RELL1: variants seen among roughly 807,000 people sequenced by gnomAD.
RELL1 encodes RELT-like protein 1.
Under a neutral mutation model 23.0 loss-of-function variants are expected in RELL1, and 10 were observed. The ratio of observed to expected loss-of-function variants is 0.43; its 90% CI spans 0.27 to 0.74. The LOEUF (loss-of-function observed/expected upper bound fraction) is 0.74, where lower values mean the gene tolerates loss of function less well. Ranked by LOEUF, RELL1 falls within the 30% of genes least tolerant of loss-of-function variation. The probability of loss-of-function intolerance (pLI) is 0.19; values close to 1 mark genes in which losing one functional copy is unlikely to be tolerated. For missense variants in RELL1, 315 were observed against 364.4 expected, an observed-to-expected ratio of 0.86 and a Z score of 1.10; for synonymous variants, 146 against 146.8, an observed-to-expected ratio of 0.99 and a Z score of 0.04.
chr4:37,681,035 C>T (rs1722202897), intron 1 of RELL1, among the ~76,000 whole-genome samples: 1 of 151,900 alleles, frequency 6.6e-6, no homozygotes, highest in South Asian at 2.1e-4. Context: ...ATTCTCGCTC[C>T]TTCCTCCCAC....
chr4:37,668,201 A>ACCCCCCCCCCCCCCCCCC (rs532626099), intron 1 of RELL1, among the ~76,000 whole-genome samples: 1 of 143,918 alleles, frequency 6.9e-6, no homozygotes, highest in Non-Finnish European at 1.5e-5. Context: ...AAAAAAAGGA[A>ACCCCCCCCCCCCCCCCCC]CCCCCTCCCC....
chr4:37,587,074 G>T (rs964122800), downstream of RELL1, among the ~76,000 whole-genome samples: 1 of 152,172 alleles, frequency 6.6e-6, no homozygotes, highest in Non-Finnish European at 1.5e-5. Context: ...GGGTGAATCT[G>T]TTCCTTCCCT....
chr4:37,678,104 G>C (rs907803967), intron 1 of RELL1, among the ~76,000 whole-genome samples: 1 of 152,214 alleles, frequency 6.6e-6, no homozygotes, highest in Non-Finnish European at 1.5e-5. Flanking sequence ...GAAGCTTCCA[G>C]TCATGGCAGA....
intron 1 of RELL1, among the ~76,000 whole-genome samples, chr4:37,662,670 A>G (rs1457348525): frequency 6.6e-6 from 1 of 152,100 alleles, no homozygotes; most frequent in African/African-American, 2.4e-5. Context: ...AGTCAGATAA[A>G]GTCCCTAGCC....
intron 1 of RELL1, among the ~76,000 whole-genome samples, chr4:37,685,890 G>A (rs1323008240): frequency 1.3e-5 from 2 of 152,236 alleles, no homozygotes; most frequent in Non-Finnish European, 2.9e-5. Flanking sequence ...CGGCCGTGGA[G>A]GAAGCGCCCC....
At chr4:37,613,638 A>G (rs1189702026) in intron 6 of RELL1, among the ~76,000 whole-genome samples, 2 of 152,130 alleles carry the variant, frequency 1.3e-5, no homozygotes, top group Non-Finnish European at 2.9e-5. Context: ...TGTGCCTTCA[A>G]TAGGTGTCTT....
At chr4:37,594,205 G>T (rs949482051) in intron 6 of RELL1, among the ~76,000 whole-genome samples, 3 of 152,198 alleles carry the variant, frequency 2.0e-5, no homozygotes, top group African/African-American at 7.2e-5. Flanking sequence ...AAAATCTTTA[G>T]GTTGAAAAGT....
In RELL1 at chr4:37,612,560, T is replaced by C. The variant is rs1719438931; in HGVS notation, c.*786A>G. 7.0e-6 allele frequency among the ~76,000 whole-genome samples: 1 copy of C among 142,492 alleles called. No individual in the cohort carries two copies. The highest frequency in any genetic ancestry group is 2.7e-5 in the African/African-American group (1 of 37,660). 93.5% of individuals were successfully genotyped at this position (142,492 alleles called of 152,430 possible). ...CTGAGGCAGGAGAATCGCTTGAACC[T>C]GGGGAGGTGGAGATTGAGGTGAGTG... On this transcript the variant is annotated 3_prime_UTR_variant, in exon 7 of 7. Coordinates refer to ENST00000454158, the MANE Select transcript of RELL1 (RefSeq NM_001085400.2).
chr4:37,679,147 T>C (rs1722121567), intron 1 of RELL1, among the ~76,000 whole-genome samples: 1 of 152,106 alleles, frequency 6.6e-6, no homozygotes, highest in South Asian at 2.1e-4. Context: ...GAAAATCCCT[T>C]GGGTAGATTC....
intron 6 of RELL1, among the ~76,000 whole-genome samples, chr4:37,601,988 CA>C (rs1719027632): frequency 6.6e-6 from 1 of 151,998 alleles, no homozygotes; most frequent in South Asian, 2.1e-4. Context: ...CTGAGGTGGG[CA>C]GATCGTTTGA....
chr4:37,649,581 G>A, intron 1 of RELL1, 81 bp from the exon 2 acceptor site: 1 of 1,286,496 alleles, frequency 7.8e-7, no homozygotes, highest in South Asian at 1.3e-5. Context: ...AATGTTCACA[G>A]TAAGTCAGGG....
chr4:37,683,508 G>C (rs1722288708), intron 1 of RELL1, among the ~76,000 whole-genome samples: 1 of 152,126 alleles, frequency 6.6e-6, no homozygotes, highest in Admixed American at 6.5e-5. Context: ...TGTAATCCCT[G>C]CACTTTGGGA....
intron 1 of RELL1, among the ~76,000 whole-genome samples, chr4:37,668,748 C>T (rs1445856128): frequency 1.4e-5 from 2 of 147,550 alleles, no homozygotes; most frequent in Admixed American, 6.6e-5. Flanking sequence ...TCTGCCCGGC[C>T]GCCATCCCAT....
chr4:37,592,132 C>G (rs1718641270), intron 6 of RELL1, among the ~76,000 whole-genome samples: 1 of 150,368 alleles, frequency 6.7e-6, no homozygotes, highest in African/African-American at 2.5e-5. Context: ...TCACTTGAAC[C>G]TGGGAGGTGG....
At chr4:37,667,687 G>A (rs1240839491) in intron 1 of RELL1, among the ~76,000 whole-genome samples, 4 of 151,670 alleles carry the variant, frequency 2.6e-5, no homozygotes, top group African/African-American at 9.7e-5. Flanking sequence ...TCAGTTATTA[G>A]GAAGAGAAGG....
chr4:37,630,356 GTTTTTTT>G (rs59763359), intron 6 of RELL1, among the ~76,000 whole-genome samples: 10 of 86,744 alleles, frequency 1.2e-4, no homozygotes, highest in Middle Eastern at 6.3e-3. Flanking sequence ...TGTGTGTGTG[GTTTTTTT>G]TTTTTTTTTT....
intron 4 of RELL1, among the ~76,000 whole-genome samples, chr4:37,637,109 G>A (rs767873052): frequency 6.6e-6 from 1 of 152,118 alleles, no homozygotes; most frequent in Non-Finnish European, 1.5e-5. Flanking sequence ...ACCCACTGAC[G>A]GGCACTACAG....
At chr4:37,676,423 C>T (rs1344934531) in intron 1 of RELL1, among the ~76,000 whole-genome samples, 1 of 152,130 alleles carries the variant, frequency 6.6e-6, no homozygotes, top group Middle Eastern at 3.2e-3. Flanking sequence ...ATACAATTAA[C>T]AGATGCATTT....
chr4:37,676,284 A>G (rs1722022260), intron 1 of RELL1, among the ~76,000 whole-genome samples: 1 of 152,202 alleles, frequency 6.6e-6, no homozygotes, highest in Admixed American at 6.5e-5. Flanking sequence ...ACATCACTTC[A>G]TTCTCAGAGC....
Sources: gnomAD v4.1 joint callset for allele counts (sites outside exome capture counted in the v4.1 genomes callset) on GRCh38, gnomAD v4.1.1 for gene constraint, MANE v1.5 for transcripts, NCBI Gene and HGNC (gene_info 2026-07-23, HGNC 2026-07-21) for gene names.